Variants in RIMS2 observed in about 807,000 individuals in gnomAD.
RIMS2 encodes the protein regulating synaptic membrane exocytosis protein 2.
Under a neutral mutation model 174.4 loss-of-function variants are expected in RIMS2, and 59 were observed. The observed-to-expected ratio is 0.34, with a 90% confidence interval of 0.27 to 0.42. The LOEUF (loss-of-function observed/expected upper bound fraction) is 0.42. RIMS2 is among the 10% of genes least tolerant of loss of function. The pLI, the probability that RIMS2 is intolerant of heterozygous loss-of-function variation, is 1.00. For synonymous variants in RIMS2, 606 were observed against 572.5 expected (o/e 1.06, Z -0.84); for missense variants, 1,620 against 1,666.3 (o/e 0.97, Z 0.48).
At chr8:103,806,330 T>A (rs150921147) in intron 3 of RIMS2, among the ~76,000 whole-genome samples, 58 of 152,296 alleles carry the variant, frequency 3.8e-4, no homozygotes, top group African/African-American at 1.3e-3. Context: ...GGATTTTAAA[T>A]TCCAAGGACC....
chr8:103,602,781 C>G (rs1273852870), intron 1 of RIMS2, among the ~76,000 whole-genome samples: 1 of 152,090 alleles, frequency 6.6e-6, no homozygotes, highest in Non-Finnish European at 1.5e-5. Flanking sequence ...GTATGTCTCT[C>G]TATGGTAGAG....
intron 4 of RIMS2, among the ~76,000 whole-genome samples, chr8:103,891,147 A>G (rs899923341): frequency 6.6e-6 from 1 of 152,054 alleles, no homozygotes; most frequent in African/African-American, 2.4e-5. Flanking sequence ...AATTGAGAGG[A>G]TCATAACCAT....
rs148059987 is a variant in RIMS2, at chr8:104,149,331, T to C, written c.3335-95585T>C. On this transcript the variant is annotated intron_variant, in intron 19 of 23. Transcript: ENST00000504942. ...TGTAAGCAACATTTACCAGTAGTTA[T>C]CAATTTTCTCACTGCAATTTTTATT... Among the ~76,000 whole-genome samples the C allele has an allele frequency of 3.1e-3, 467 of 152,366 alleles. 2 individuals are homozygous for C. The highest frequency in any genetic ancestry group is 4.5e-3 in the Non-Finnish European group (303 of 68,038).
intron 19 of RIMS2, among the ~76,000 whole-genome samples, chr8:104,107,274 A>T (rs1325888019): frequency 6.6e-6 from 1 of 152,096 alleles, no homozygotes; most frequent in African/African-American, 2.4e-5. Context: ...TCACATGTGA[A>T]TTCTTCCATG....
At chr8:104,031,298 C>T (rs972389395) in intron 19 of RIMS2, among the ~76,000 whole-genome samples, 4 of 151,948 alleles carry the variant, frequency 2.6e-5, no homozygotes, top group Non-Finnish European at 5.9e-5. Context: ...TTCATTTCAT[C>T]ACAATAAAAC....
At chr8:104,242,562 C>A (rs1245930889) in intron 19 of RIMS2, among the ~76,000 whole-genome samples, 2 of 152,120 alleles carry the variant, frequency 1.3e-5, no homozygotes, top group Non-Finnish European at 2.9e-5. Context: ...TACCTTATTT[C>A]TTTGTTTGTT....
At chr8:103,777,313 C>T (rs2098329183) in intron 3 of RIMS2, among the ~76,000 whole-genome samples, 1 of 151,974 alleles carries the variant, frequency 6.6e-6, no homozygotes, top group Non-Finnish European at 1.5e-5. Flanking sequence ...GTTACGGACT[C>T]AAATGCTATG....
chr8:104,060,670 A>G (rs1429911294), intron 19 of RIMS2, among the ~76,000 whole-genome samples: 2 of 151,866 alleles, frequency 1.3e-5, no homozygotes, highest in Non-Finnish European at 2.9e-5. Flanking sequence ...TTAGGATGTC[A>G]GTTTTGGATC....
At chr8:104,075,338 T>G (rs774490763) in intron 19 of RIMS2, among the ~76,000 whole-genome samples, 3 of 152,210 alleles carry the variant, frequency 2.0e-5, no homozygotes, top group Non-Finnish European at 2.9e-5. Context: ...AAATAGAAAG[T>G]AATGAATGAA....
chr8:103,858,911 G>A (rs1325681751), intron 3 of RIMS2, among the ~76,000 whole-genome samples: 1 of 151,958 alleles, frequency 6.6e-6, no homozygotes, highest in Non-Finnish European at 1.5e-5. Context: ...CATTGAGCTT[G>A]TCATTCATTC....
At chr8:103,509,071 T>G (rs994028993) in intron 1 of RIMS2, among the ~76,000 whole-genome samples, 3 of 152,040 alleles carry the variant, frequency 2.0e-5, no homozygotes, top group African/African-American at 7.2e-5. Context: ...CTAGAGAGTT[T>G]GTAGCATTAA....
intron 3 of RIMS2, among the ~76,000 whole-genome samples, chr8:103,798,321 T>C (rs2098569727): frequency 6.6e-6 from 1 of 152,114 alleles, no homozygotes; most frequent in African/African-American, 2.4e-5. Flanking sequence ...ATTTAAATGA[T>C]GGAACCAAAT....
At chr8:103,563,947 G>A (rs974751298) in intron 1 of RIMS2, among the ~76,000 whole-genome samples, 6 of 152,086 alleles carry the variant, frequency 3.9e-5, no homozygotes, top group African/African-American at 7.2e-5. Context: ...AGAAAAGCAC[G>A]GCAAAGACCT....
rs1232287065 is a variant in RIMS2, at chr8:104,203,518, T to TTG, written c.3335-41395_3335-41394dup. Among the ~76,000 whole-genome samples the TTG allele has an allele frequency of 2.2e-3, 241 of 110,564 alleles. 4 individuals are homozygous for TTG. Among genetic ancestry groups the TTG allele is most frequent in the African/African-American group, 7.8e-3 (226 of 28,942 alleles). 72.5% of individuals were successfully genotyped at this position (110,564 alleles called of 152,430 possible). On this transcript the variant is annotated intron_variant, in intron 19 of 23. Coordinates refer to ENST00000504942, the Ensembl canonical transcript of RIMS2. The stretch of plus-strand genomic sequence containing the variant: ...ACTTTTTTTTTTTTTTTTTTTTTTT[T>TTG]TGTGAGATGGAGCCTCGCTCTGTCA...
intron 19 of RIMS2, among the ~76,000 whole-genome samples, chr8:104,019,888 A>AT (rs1457165022): frequency 2.0e-5 from 3 of 152,112 alleles, no homozygotes; most frequent in Non-Finnish European, 4.4e-5. Context: ...CATTAAAGTC[A>AT]TTTTTTAAGG....
intron 19 of RIMS2, among the ~76,000 whole-genome samples, chr8:104,121,571 A>G (rs572824648): frequency 6.6e-6 from 1 of 152,348 alleles, no homozygotes; most frequent in African/African-American, 2.4e-5. Flanking sequence ...AGACTATTAC[A>G]AAGTATGTGT....
chr8:104,002,615 GA>G (rs2095431444), intron 17 of RIMS2, among the ~76,000 whole-genome samples: 1 of 152,108 alleles, frequency 6.6e-6, no homozygotes, highest in Admixed American at 6.6e-5. Context: ...TGTTTCCTAG[GA>G]ATAAAATATG....
chr8:103,506,523 A>C (rs1334471451), intron 1 of RIMS2, among the ~76,000 whole-genome samples: 5 of 152,058 alleles, frequency 3.3e-5, no homozygotes, highest in Admixed American at 3.3e-4. Context: ...TTAAACTCTG[A>C]GTTTCCTCAT....
intron 1 of RIMS2, among the ~76,000 whole-genome samples, chr8:103,573,509 T>C: frequency 6.6e-6 from 1 of 152,212 alleles, no homozygotes. Flanking sequence ...TTGTTGACTG[T>C]CTAAGATCAT....
Sources: gnomAD v4.1 joint callset for allele counts (sites outside exome capture counted in the v4.1 genomes callset) on GRCh38, gnomAD v4.1.1 for gene constraint, MANE v1.5 for transcripts, NCBI Gene and HGNC (gene_info 2026-07-23, HGNC 2026-07-21) for gene names.